The following PRICKLE4 variants were observed in gnomAD, a reference collection of about 807,000 sequenced individuals.
PRICKLE4 encodes the protein prickle planar cell polarity protein 4.
A neutral mutation model predicts 43.5 loss-of-function variants in PRICKLE4; 40 were observed. The ratio of observed to expected loss-of-function variants is 0.92; its 90% confidence interval spans 0.71 to 1.20. The LOEUF is 1.20. PRICKLE4 is among the 50% of genes most tolerant of loss of function. The pLI is 0.00. For missense variants in PRICKLE4, 527 were observed against 491.2 expected, an observed-to-expected ratio of 1.07 and a Z score of -0.69; for synonymous variants, 208 against 197.4, an observed-to-expected ratio of 1.05 and a Z score of -0.45.
chr6:41,781,706 C>T (rs1009147180), intron 2 of PRICKLE4, among the ~76,000 whole-genome samples, 186 bp downstream of exon 2: 8 of 152,168 alleles, frequency 5.3e-5, no homozygotes, highest in Non-Finnish European at 7.4e-5. Flanking sequence ...GATGACCCTC[C>T]TGTGCCCAGC....
At chr6:41,784,409 A>G (rs1318046987) in intron 4 of PRICKLE4, among the ~76,000 whole-genome samples, 171 bp downstream of exon 4, 4 of 152,234 alleles carry the variant, frequency 2.6e-5, no homozygotes, top group Admixed American at 2.0e-4. Flanking sequence ...TGGCAATAAC[A>G]ATAGCAGGTG....
In PRICKLE4 at chr6:41,784,255, C is replaced by T. The variant is rs532404803; in HGVS notation, c.240+17C>T. 41 of 1,557,404 alleles carry T rather than the reference C, an allele frequency of 2.6e-5. No individual in the cohort carries two copies. The African/African-American group carries it at 5.5e-4, about 21-fold the overall frequency. On this transcript the variant is annotated intron_variant, in intron 4 of 7. Coordinates refer to ENST00000458694, the MANE Select transcript of PRICKLE4 (RefSeq NM_013397.6). ...GACATTGATGTGGGTCTCCTCTCCC[C>T]ATCTTCCCTCTCTTGCCTTTCCCTC... is the stretch of plus-strand genomic sequence containing the variant.
At position 41,786,778 on chromosome 6, in the gene PRICKLE4, C is replaced by T; in HGVS notation, c.804C>T (p.Asp268=). 6.2e-7 allele frequency: 1 copy of T among 1,612,518 alleles called. No individual in the cohort carries two copies. Among genetic ancestry groups the T allele is most frequent in the South Asian group, 1.1e-5 (1 of 90,942 alleles). The change falls in exon 8 of 8, where the codon GAC becomes GAT. Residue 268 remains aspartate, a synonymous_variant. Coordinates refer to ENST00000458694, the MANE Select transcript of PRICKLE4 (RefSeq NM_013397.6). ...GQAFLGETGL[D]RTEGRDQTSV... is the part of the protein sequence containing the mutation. ...CCGGAACAGGGGAGACTGGACTCGA[C>T]CGAACTGAAGGAAGGGACCAAACCT...
chr6:41,783,797 A>G (rs192092839), intron 3 of PRICKLE4, 192 bp downstream of exon 3: 7 of 829,176 alleles, frequency 8.4e-6, no homozygotes, highest in Middle Eastern at 4.4e-4. Context: ...TCACATGAGT[A>G]TTCATTATCT....
intron 7 of PRICKLE4, 54 bp downstream of exon 7, chr6:41,786,386 G>A: frequency 6.6e-7 from 1 of 1,512,306 alleles, no homozygotes; most frequent in South Asian, 1.2e-5. Context: ...GGGCTGTGGG[G>A]GTTCTCCCGG....
chr6:41,781,958 A>G (rs1000339060), intron 2 of PRICKLE4, among the ~76,000 whole-genome samples: 1 of 151,644 alleles, frequency 6.6e-6, no homozygotes, highest in Non-Finnish European at 1.5e-5. Flanking sequence ...GGGTTTTTGT[A>G]TGTCTGTCCC....
intron 2 of PRICKLE4, among the ~76,000 whole-genome samples, chr6:41,782,546 C>T (rs975894632): frequency 2.0e-5 from 3 of 151,986 alleles, no homozygotes; most frequent in Non-Finnish European, 2.9e-5. Context: ...CCCGCCACCA[C>T]GCCCGGCTAA....
intron 5 of PRICKLE4, 92 bp from the exon 6 acceptor site, chr6:41,785,245 C>T: frequency 2.6e-6 from 4 of 1,515,216 alleles, no homozygotes; most frequent in Non-Finnish European, 2.7e-6. Flanking sequence ...TAGGGTATGG[C>T]GAGAACAGGT....
chr6:41,785,794 G>A (rs1288500889), intron 6 of PRICKLE4, among the ~76,000 whole-genome samples: 2 of 152,142 alleles, frequency 1.3e-5, no homozygotes, highest in East Asian at 1.9e-4. Flanking sequence ...TCTAGAGCAG[G>A]GAGTCTTGGA....
intron 5 of PRICKLE4, 47 bp from the exon 6 acceptor site, chr6:41,785,290 G>A (rs562156866): frequency 1.9e-6 from 3 of 1,589,610 alleles, no homozygotes; most frequent in Admixed American, 3.4e-5. Context: ...AGGGAAGTTA[G>A]GATGGTAGTG....
At position 41,786,744 on chromosome 6, in the gene PRICKLE4, C is replaced by T. The variant is rs754449620; in HGVS notation, c.788-18C>T. ...TCCGCGGCTCTGAGACCAGCGTTTC[C>T]GACCCGGCCCGGAACAGGGGAGACT... On this transcript the variant is annotated intron_variant, in intron 7 of 7. Coordinates refer to ENST00000458694, the MANE Select transcript of PRICKLE4 (RefSeq NM_013397.6). 11 of 1,612,856 alleles carry T rather than the reference C, an allele frequency of 6.8e-6. No homozygotes were observed. In the East Asian group the frequency reaches 2.2e-4, roughly 33 times the overall value.
At position 41,786,309 on chromosome 6, in the gene PRICKLE4, C is replaced by T. The variant is rs150422472; in HGVS notation, c.764C>T (p.Ala255Val). The change falls in exon 7 of 8, where the codon GCA becomes GTA. Residue 255 changes from alanine to valine, a missense_variant. By Grantham distance (64) the Ala-to-Val change is moderately conservative. Coordinates refer to ENST00000458694, the MANE Select transcript of PRICKLE4 (RefSeq NM_013397.6). ...GATGCAGGCTCGAGCTGGGCCGGGG[C>T]ACTGGAAGGGCAGGCATTCCTTGGT... The part of the protein sequence containing the change: ...YSDAGSSWAG[A>V]LEGQAFLGET... 150 of 1,571,168 alleles carry T rather than the reference C, an allele frequency of 9.5e-5. No individual in the cohort carries two copies. The African/African-American group carries it at 1.6e-3, about 17-fold the overall frequency.
At chr6:41,782,556 A>AT (rs1772571507) in intron 2 of PRICKLE4, among the ~76,000 whole-genome samples, 1 of 151,286 alleles carries the variant, frequency 6.6e-6, no homozygotes, top group African/African-American at 2.4e-5. Flanking sequence ...CGCCCGGCTA[A>AT]TTTTTTTAAT....
At position 41,786,184 on chromosome 6, in the gene PRICKLE4, C is replaced by A. The variant is rs753063079; in HGVS notation, c.639C>A (p.His213Gln). ...EAEGQRWHENHFCCQDCAGPL... is the reference protein window; with the variant it reads ...EAEGQRWHENQFCCQDCAGPL... Reference sequence around the variant, plus strand: ...AGGGACAGCGCTGGCATGAGAACCACTTCTGTTGCCAGGACTGCGCCGGGC... The same window carrying A: ...AGGGACAGCGCTGGCATGAGAACCAATTCTGTTGCCAGGACTGCGCCGGGC... The change falls in exon 7 of 8, where the codon CAC becomes CAA. Residue 213 changes from histidine to glutamine, a missense_variant. Coordinates refer to ENST00000458694, the MANE Select transcript of PRICKLE4 (RefSeq NM_013397.6). The A allele has an allele frequency of 6.2e-7, 1 of 1,612,902 alleles. No individual in the cohort carries two copies. Among genetic ancestry groups the A allele is most frequent in the Admixed American group, 1.7e-5 (1 of 59,936 alleles).
chr6:41,783,717 C>A, intron 3 of PRICKLE4, 112 bp downstream of exon 3: 2 of 1,478,226 alleles, frequency 1.4e-6, no homozygotes, highest in Non-Finnish European at 1.9e-6. Context: ...TCTCTTGTTG[C>A]CTTTTTCTCT....
chr6:41,784,092 A>T (rs1340653265), intron 3 of PRICKLE4, 39 bp from the exon 4 acceptor site: 2 of 1,466,320 alleles, frequency 1.4e-6, no homozygotes, highest in East Asian at 4.6e-5. Context: ...GGAAAGAAAA[A>T]CCTAGTTTCA....
Position 41,787,121 on chromosome 6 carries a change from A to C in PRICKLE4, c.1147A>C (p.Met383Leu). 1 of 1,603,110 alleles carries C rather than the reference A, an allele frequency of 6.2e-7. No individual in the cohort carries two copies. The highest frequency in any genetic ancestry group is 1.1e-5 in the South Asian group (1 of 90,720). ...DSNASKTHCT[M>L]C ...CAACGCCTCTAAGACGCACTGCACC[A>C]TGTGCTAGTGGCGCAGCTCAGAGAG... Residue 383 changes from methionine to leucine, a missense_variant, in exon 8 of 8, where the codon ATG becomes CTG. By Grantham distance (15) the Met-to-Leu change is conservative. Coordinates refer to ENST00000458694, the MANE Select transcript of PRICKLE4 (RefSeq NM_013397.6).
At chr6:41,786,526 C>T in intron 7 of PRICKLE4, 194 bp downstream of exon 7, 5 of 996,674 alleles carry the variant, frequency 5.0e-6, no homozygotes, top group Non-Finnish European at 7.5e-6. Flanking sequence ...CCAAGGGCCG[C>T]CCGAACCCAC....
In PRICKLE4 at chr6:41,785,025, G is replaced by C. The variant is rs367669634; in HGVS notation, c.331G>C (p.Val111Leu). 6.2e-7 allele frequency: 1 copy of C among 1,613,540 alleles called. No individual in the cohort carries two copies. The highest frequency in any genetic ancestry group is 1.7e-5 in the Admixed American group (1 of 59,832). ...GAAGCAGGAAGCCCTGGGACAGGGG[G>C]TAGCCCGCCTGGTACTTCCCAAGCT... ...RRKQEALGQG[V>L]ARLVLPKLEG... Residue 111 changes from valine (V) to leucine (L), a missense_variant, in exon 5 of 8, where the codon GTA becomes CTA. Val to Leu is a conservative substitution (Grantham distance 32, BLOSUM62 1). Transcript: ENST00000458694.
Sources: gnomAD v4.1 joint callset for allele counts (sites outside exome capture counted in the v4.1 genomes callset) on GRCh38, gnomAD v4.1.1 for gene constraint, MANE v1.5 for transcripts, NCBI Gene and HGNC (gene_info 2026-07-23, HGNC 2026-07-21) for gene names.